CDH23: variants seen among roughly 807,000 people sequenced by gnomAD.
CDH23 encodes cadherin-23.
In CDH23, 189 loss-of-function variants were observed where a neutral mutation model predicts 317.1. The observed-to-expected ratio is 0.60, with a 90% CI of 0.53 to 0.67. The LOEUF (loss-of-function observed/expected upper bound fraction) is 0.67, where lower values mean the gene tolerates loss of function less well. CDH23 is among the 30% of genes least tolerant of loss of function. The pLI, the probability that CDH23 is intolerant of heterozygous loss-of-function variation, is 0.00. For synonymous variants in CDH23, 1,839 were observed against 1,876.8 expected (o/e 0.98, Z 0.52); for missense variants, 4,401 against 4,592.4 (o/e 0.96, Z 1.20).
chr10:71,602,782 T>C (rs991395302), intron 9 of CDH23, among the ~76,000 whole-genome samples: 2 of 152,110 alleles, frequency 1.3e-5, no homozygotes, highest in African/African-American at 4.8e-5. Context: ...CACTTTACAG[T>C]TTGTAAAGCA....
chr10:71,578,805 G>A lies in CDH23; in HGVS notation c.832+813G>A, dbSNP rs1858422344. On this transcript the variant is annotated intron_variant, in intron 9 of 69. Coordinates refer to ENST00000224721, the MANE Select transcript of CDH23 (RefSeq NM_022124.6). ...CTGGTGTATCTGGGCAGGCCAGGTT[G>A]ATGGCCGAAAGGACATCTGGCCACC... Among the ~76,000 whole-genome samples, 5 of 152,198 alleles carry A rather than the reference G, an allele frequency of 3.3e-5. 1 individual carries two copies. In the South Asian group the frequency reaches 1.0e-3, roughly 31 times the overall value.
chr10:71,695,584 TC>T, intron 22 of CDH23, 59 bp downstream of exon 22: 1 of 1,205,614 alleles, frequency 8.3e-7, no homozygotes, highest in Non-Finnish European at 1.2e-6. Flanking sequence ...TCTGTGCCCC[TC>T]CCACTGCGAT....
At position 71,815,381 on chromosome 10, in the gene CDH23, A is replaced by C; in HGVS notation, c.*103A>C. 1 of 1,152,772 alleles carries C rather than the reference A, an allele frequency of 8.7e-7. No homozygotes were observed. Among genetic ancestry groups the C allele is most frequent in the South Asian group, 1.7e-5 (1 of 57,644 alleles). The allele number at this position is 1,152,772 out of a possible 1,614,324, so 71.4% of individuals were successfully genotyped here. A position where few individuals can be genotyped will look rare whatever the true frequency, so the allele number is the denominator to read the frequency against. On this transcript the variant is annotated 3_prime_UTR_variant, in exon 70 of 70. Coordinates refer to ENST00000224721, the MANE Select transcript of CDH23 (RefSeq NM_022124.6). ...CGGTCGGGGGGGACCCTCCAAGGCC[A>C]GGCCTTGGGGACAACCTTGGCTTGG...
At chr10:71,640,753 GA>G (rs949859762) in intron 11 of CDH23, among the ~76,000 whole-genome samples, 1 of 150,374 alleles carries the variant, frequency 6.7e-6, no homozygotes, top group African/African-American at 2.4e-5. Context: ...GACTCTGTCT[GA>G]AAAAAAAAGA....
At chr10:71,812,054 A>T in intron 66 of CDH23, 39 bp downstream of exon 66, 1 of 1,613,832 alleles carries the variant, frequency 6.2e-7, no homozygotes, top group Non-Finnish European at 8.5e-7. Context: ...CCCTGCGGGG[A>T]GTCCTGCCAG....
At chr10:71,520,391 G>T (rs1170711799) in intron 6 of CDH23, among the ~76,000 whole-genome samples, 8 of 152,248 alleles carry the variant, frequency 5.3e-5, no homozygotes, top group Non-Finnish European at 1.2e-4. Flanking sequence ...GACCCTGGAG[G>T]TGACTTAATC....
chr10:71,465,797 C>T (rs576919849), intron 3 of CDH23, among the ~76,000 whole-genome samples: 2 of 152,282 alleles, frequency 1.3e-5, no homozygotes, highest in East Asian at 1.9e-4. Context: ...AGCAAACGGC[C>T]GAAAGCCATT....
At chr10:71,456,500 G>A (rs944573315) in intron 3 of CDH23, among the ~76,000 whole-genome samples, 8 of 145,994 alleles carry the variant, frequency 5.5e-5, no homozygotes, top group East Asian at 3.9e-4. Context: ...TGGCAGCCCC[G>A]GCTATGGACT....
intron 1 of CDH23, among the ~76,000 whole-genome samples, chr10:71,400,478 A>G (rs1847730448): frequency 6.6e-6 from 1 of 151,960 alleles, no homozygotes; most frequent in Admixed American, 6.5e-5. Context: ...ACATTCAGAC[A>G]TCGATTTGAA....
chr10:71,539,560 A>G (rs1403479622), intron 6 of CDH23, among the ~76,000 whole-genome samples: 1 of 151,766 alleles, frequency 6.6e-6, no homozygotes, highest in Non-Finnish European at 1.5e-5. Context: ...AGCTCCTTTT[A>G]TCTCCCATTT....
At chr10:71,546,927 G>C (rs570048424) in intron 6 of CDH23, among the ~76,000 whole-genome samples, 144 of 152,364 alleles carry the variant, frequency 9.5e-4, no homozygotes, top group African/African-American at 3.2e-3. Context: ...AGAGACTTCA[G>C]AGCTGGTATT....
intron 14 of CDH23, 51 bp from the exon 15 acceptor site, chr10:71,675,061 G>A: frequency 6.4e-7 from 1 of 1,551,974 alleles, no homozygotes; most frequent in Non-Finnish European, 8.9e-7. Context: ...CTGTGGACCT[G>A]AAGCCTCAGC....
At chr10:71,786,452 A>G (rs1181585253) in intron 44 of CDH23, among the ~76,000 whole-genome samples, 2 of 146,236 alleles carry the variant, frequency 1.4e-5, no homozygotes, top group Non-Finnish European at 3.0e-5. Context: ...CATAAGCTAC[A>G]TGCCCCTCCC....
chr10:71,682,014 G>A (rs1440973545), intron 17 of CDH23, among the ~76,000 whole-genome samples: 1 of 151,988 alleles, frequency 6.6e-6, no homozygotes, highest in African/African-American at 2.4e-5. Flanking sequence ...AGACTGACGG[G>A]GAAAATCCAT....
chr10:71,746,746 GC>G (rs1220958198), intron 38 of CDH23, among the ~76,000 whole-genome samples: 2 of 152,184 alleles, frequency 1.3e-5, no homozygotes, highest in African/African-American at 4.8e-5. Flanking sequence ...GTGAATTGCA[GC>G]CAACCGATAC....
chr10:71,440,469 C>CT (rs397956409), intron 2 of CDH23, among the ~76,000 whole-genome samples: 1 of 151,982 alleles, frequency 6.6e-6, no homozygotes, highest in Non-Finnish European at 1.5e-5. Context: ...AGGAGAAACC[C>CT]AGCCAGAAGG....
At chr10:71,698,556 C>T (rs962687229) in intron 22 of CDH23, among the ~76,000 whole-genome samples, 1 of 152,240 alleles carries the variant, frequency 6.6e-6, no homozygotes, top group East Asian at 1.9e-4. Flanking sequence ...ACCACCCATC[C>T]CCAACACACA....
intron 28 of CDH23, among the ~76,000 whole-genome samples, chr10:71,721,063 T>C (rs1866533592): frequency 6.6e-6 from 1 of 152,216 alleles, no homozygotes; most frequent in African/African-American, 2.4e-5. Context: ...ACTTCATCTG[T>C]GGCCCCCATT....
chr10:71,805,244 G>A (rs376625775), intron 55 of CDH23, among the ~76,000 whole-genome samples: 19 of 152,284 alleles, frequency 1.2e-4, no homozygotes, highest in African/African-American at 4.6e-4. Flanking sequence ...GAAGTGAGGT[G>A]GCAAGTCCAG....
Sources: allele counts gnomAD v4.1 joint callset (sites outside exome capture counted in the v4.1 genomes callset), GRCh38; gene constraint gnomAD v4.1.1; transcripts MANE v1.5; gene names NCBI Gene and HGNC (gene_info 2026-07-23, HGNC 2026-07-21).